ERI2: variants seen among roughly 807,000 people sequenced by gnomAD.
The protein encoded by ERI2 is ERI1 exoribonuclease family member 2.
ERI2 carries 35 observed loss-of-function variants against 46.8 expected under a neutral mutation model. That is an observed-to-expected ratio of 0.75 (90% CI 0.57 to 0.99). ERI2 has a LOEUF of 0.99. Among genes scored for constraint, ERI2 ranks in the 50% least tolerant of loss-of-function variants. ERI2 has a pLI of 0.00. For missense variants in ERI2, 695 were observed against 796.2 expected (o/e 0.87, Z 1.53); for synonymous variants, 224 against 271.0 (o/e 0.83, Z 1.70).
At position 20,800,106 on chromosome 16, in the gene ERI2, T is replaced by G; in HGVS notation, c.562-68A>C. The G allele has an allele frequency of 8.4e-6, 9 of 1,067,468 alleles. No individual in the cohort carries two copies. In the South Asian group the frequency reaches 1.2e-4, roughly 14 times the overall value. 66.1% of individuals were successfully genotyped at this position (1,067,468 alleles called of 1,614,324 possible). Reference sequence around the variant, plus strand: ...TTAAAGACTATGTATTAAACACTTTTCATAATTTTTAGTTCTATTAGATTT... The same window carrying G: ...TTAAAGACTATGTATTAAACACTTTGCATAATTTTTAGTTCTATTAGATTT... On this transcript the variant is annotated intron_variant, in intron 6 of 8. Transcript: ENST00000357967.
chr16:20,790,566 A>G lies in ERI2; in HGVS notation c.815+284T>C, dbSNP rs746789826. The G allele has an allele frequency of 1.3e-6, 2 of 1,591,454 alleles. No individual in the cohort carries two copies. Among genetic ancestry groups the G allele is most frequent in the South Asian group, 2.3e-5 (2 of 88,770 alleles). Reference sequence around the variant, plus strand: ...CATTAAACAAAAATTTCCTTAAATAAATTGTTCTATTTTATCCTAGATTGT... The same window carrying G: ...CATTAAACAAAAATTTCCTTAAATAGATTGTTCTATTTTATCCTAGATTGT... On this transcript the variant is annotated intron_variant, in intron 9 of 10. Coordinates refer to the ERI2 transcript ENST00000300005. This position sits in a 1 kb window ranked among gnomAD's most constrained non-coding sequence, Gnocchi z 4.0.
chr16:20,805,789 T>C lies in ERI2; in HGVS notation c.23+619A>G, dbSNP rs951623159. The C allele has an allele frequency of 3.2e-5, 7 of 219,670 alleles. 1 individual carries two copies. In the South Asian group the frequency reaches 1.1e-3, roughly 35 times the overall value. The allele number at this position is 219,670 out of a possible 1,614,324, so 13.6% of individuals were successfully genotyped here. Reference sequence around the variant, plus strand: ...CCTTTGCCTCTTTTAAAAAGTTCTATGTTGCTAGTCAGTCGGGACAAATAC... The same window carrying C: ...CCTTTGCCTCTTTTAAAAAGTTCTACGTTGCTAGTCAGTCGGGACAAATAC... On this transcript the variant is annotated intron_variant, in intron 1 of 8. Coordinates refer to ENST00000357967, the MANE Select transcript of ERI2 (RefSeq NM_001142725.2).
At chr16:20,786,392 C>T in intron 10 of ERI2, 2 of 846,300 alleles carry the variant, frequency 2.4e-6, no homozygotes, top group African/African-American at 1.8e-5. Context: ...TAAACGTTAA[C>T]CCATTAGGCT....
At chr16:20,791,655 G>A (rs114412068), downstream of ERI2, among the ~76,000 whole-genome samples, 560 of 152,182 alleles carry the variant, frequency 3.7e-3, 3 homozygotes, top group African/African-American at 0.012. Flanking sequence ...GGCCAGGAGC[G>A]GTGGCTTATG....
At position 20,802,881 on chromosome 16, in the gene ERI2, A is replaced by G. The variant is rs772386761; in HGVS notation, c.218T>C (p.Ile73Thr). 1.9e-6 allele frequency: 3 copies of G among 1,611,056 alleles called. No individual in the cohort carries two copies. Among genetic ancestry groups the G allele is most frequent in the Non-Finnish European group, 2.5e-6 (3 of 1,177,776 alleles). ...AACATAAGCCTGGAACTCAGAGTCA[A>G]TCTGTCCAGTTGATGTGTTCAGCAA... ...AVLLNTSTGQ[I>T]DSEFQAYVQP... Residue 73 changes from isoleucine (I) to threonine (T), a missense_variant, in exon 4 of 9, where the codon ATT becomes ACT. Ile to Thr is a moderately conservative substitution (Grantham distance 89). Transcript: ENST00000357967.
rs900652997 is a variant in ERI2, at chr16:20,800,638, G to A, written c.461-236C>T. On this transcript the variant is annotated intron_variant, in intron 5 of 8. Coordinates refer to ENST00000357967, the MANE Select transcript of ERI2 (RefSeq NM_001142725.2). ...ACCCAGTAAAACCTTATTTCAGAAA[G>A]AAGAGTAACATGTTAAATTACAAGG... 44 of 334,436 alleles carry A rather than the reference G, an allele frequency of 1.3e-4. No individual in the cohort carries two copies. The East Asian group carries it at 2.0e-3, about 15-fold the overall frequency. 20.7% of individuals were successfully genotyped at this position (334,436 alleles called of 1,614,324 possible).
chr16:20,803,338 C>T, intron 3 of ERI2, 95 bp downstream of exon 3: 2 of 1,386,528 alleles, frequency 1.4e-6, no homozygotes, highest in Non-Finnish European at 1.9e-6. Flanking sequence ...ATGCATAGAC[C>T]ATCCTGTTTT....
chr16:20,800,983 G>A (rs999884454), intron 5 of ERI2, among the ~76,000 whole-genome samples: 8 of 152,012 alleles, frequency 5.3e-5, no homozygotes, highest in Non-Finnish European at 8.8e-5. Flanking sequence ...ATTTTTTTAA[G>A]TTCAGGCTTA....
In ERI2 at chr16:20,790,627, A is replaced by G. The variant is rs759663186; in HGVS notation, c.815+223T>C. ...GGCAATGTTCTACCTCCTGGACAAG[A>G]AGGAGATATTGGCATTCAAGTTCTA... is the stretch of plus-strand genomic sequence containing the variant. On this transcript the variant is annotated intron_variant, in intron 9 of 10. Transcript: ENST00000300005. This position sits in a 1 kb window ranked among gnomAD's most constrained non-coding sequence, Gnocchi z 4.0. 3.1e-6 allele frequency: 5 copies of G among 1,613,950 alleles called. No individual in the cohort carries two copies. The highest frequency in any genetic ancestry group is 4.5e-5 in the East Asian group (2 of 44,880).
chr16:20,799,435 C>T (rs1596549540), intron 7 of ERI2, 84 bp from the exon 8 acceptor site: 2 of 1,286,946 alleles, frequency 1.6e-6, no homozygotes, highest in East Asian at 4.8e-5. Flanking sequence ...AAAAGAAAAA[C>T]ACCACTTGTG....
At position 20,803,124 on chromosome 16, in the gene ERI2, T is replaced by C. The variant is rs944603253; in HGVS notation, c.176-201A>G. Among the ~76,000 whole-genome samples, 12 of 152,350 alleles carry C rather than the reference T, an allele frequency of 7.9e-5. No individual in the cohort carries two copies. In the South Asian group the frequency reaches 8.3e-4, roughly 11 times the overall value. On this transcript the variant is annotated intron_variant, in intron 3 of 8. Transcript: ENST00000357967. ...AAATATTGAAGTTATGAGCATGTTG[T>C]CTTAAAAGAAAACAATATAATTAAA...
intron 10 of ERI2, chr16:20,786,430 C>G: frequency 1.7e-6 from 1 of 571,430 alleles, no homozygotes; most frequent in Non-Finnish European, 2.6e-6. Flanking sequence ...CCTGTAATCC[C>G]AACACTTTGG....
Position 20,797,678 on chromosome 16 carries a change from T to C in ERI2, c.*46A>G. On this transcript the variant is annotated 3_prime_UTR_variant, in exon 9 of 9. Coordinates refer to ENST00000357967, the MANE Select transcript of ERI2 (RefSeq NM_001142725.2). ...GTGTAAGATGTTATCAGAATACTCA[T>C]GTTTGGAAATTCAAGGAACAATTAG... The C allele has an allele frequency of 5.4e-6, 8 of 1,475,418 alleles. No individual in the cohort carries two copies. Among genetic ancestry groups the C allele is most frequent in the Non-Finnish European group, 7.2e-6 (8 of 1,115,582 alleles). 91.4% of individuals were successfully genotyped at this position (1,475,418 alleles called of 1,614,324 possible). A position where few individuals can be genotyped will look rare whatever the true frequency, so the allele number is the denominator to read the frequency against.
rs776646668 is a variant in ERI2 at position 20,781,125 on chromosome 16, T to C, written c.895-391A>G. The C allele has an allele frequency of 1.1e-5, 17 of 1,613,926 alleles. No homozygotes were observed. In the Admixed American group the frequency reaches 2.0e-4, roughly 19 times the overall value. On this transcript the variant is annotated intron_variant, in intron 10 of 10. Coordinates refer to the ERI2 transcript ENST00000300005. ...ACCCCGTTTTGAGCCGACTTCTATC[T>C]TGCAAGTAAGCCAAAGCACAAAGAG...
At chr16:20,792,393 C>T (rs145354182), downstream of ERI2, 8 of 1,598,092 alleles carry the variant, frequency 5.0e-6, no homozygotes, top group African/African-American at 9.4e-5. Flanking sequence ...CACATACTTA[C>T]AAACAGTAGC....
exon 11 of ERI2, chr16:20,780,607 A>G (rs1404647309): frequency 4.4e-6 from 7 of 1,607,026 alleles, no homozygotes; most frequent in Non-Finnish European, 6.0e-6. Context: ...CTGGCACCTG[A>G]TTCATGACAT....
chr16:20,782,591 A>C (rs568685001), intron 10 of ERI2, among the ~76,000 whole-genome samples: 12 of 152,372 alleles, frequency 7.9e-5, no homozygotes, highest in African/African-American at 2.9e-4. Flanking sequence ...GATTTAATTC[A>C]GTCTGACATT....
intron 10 of ERI2, chr16:20,781,642 C>T: frequency 8.3e-7 from 1 of 1,210,566 alleles, no homozygotes; most frequent in Non-Finnish European, 1.2e-6. Context: ...GCTGCGTCAA[C>T]CAAAGACATT....
chr16:20,794,725 A>G (rs191641759), downstream of ERI2, among the ~76,000 whole-genome samples: 3 of 152,210 alleles, frequency 2.0e-5, no homozygotes, highest in Non-Finnish European at 4.4e-5. Flanking sequence ...TTATACATCT[A>G]TGCTAATTCA....
Sources: allele counts gnomAD v4.1 joint callset (sites outside exome capture counted in the v4.1 genomes callset), GRCh38; gene constraint gnomAD v4.1.1; non-coding constraint Gnocchi (gnomAD v3.1); transcripts MANE v1.5; gene names NCBI Gene and HGNC (gene_info 2026-07-23, HGNC 2026-07-21).